PLEKHG1: variants seen among roughly 807,000 people sequenced by gnomAD.
PLEKHG1 encodes the protein pleckstrin homology domain-containing family G member 1.
Under a neutral mutation model 100.8 loss-of-function variants are expected in PLEKHG1, and 44 were observed. The ratio of observed to expected loss-of-function variants is 0.44; its 90% CI spans 0.34 to 0.56. The LOEUF (loss-of-function observed/expected upper bound fraction) is 0.56. Ranked by LOEUF, PLEKHG1 falls within the 20% of genes least tolerant of loss-of-function variation. PLEKHG1 has a pLI of 0.01. For missense variants in PLEKHG1, 1,545 were observed against 1,720.9 expected (o/e 0.90, Z 1.81); for synonymous variants, 640 against 662.5 (o/e 0.97, Z 0.52).
intron 5 of PLEKHG1, among the ~76,000 whole-genome samples, chr6:150,799,500 G>T (rs899133668): frequency 6.6e-6 from 1 of 152,296 alleles, no homozygotes; most frequent in South Asian, 2.1e-4. Flanking sequence ...CCGGGAACCT[G>T]GAGCTCAGCA....
intron 1 of PLEKHG1, among the ~76,000 whole-genome samples, chr6:150,730,861 C>T (rs1782212316): frequency 1.3e-5 from 2 of 151,116 alleles, no homozygotes; most frequent in African/African-American, 4.9e-5. Context: ...GAGATCATAC[C>T]ATTGCACTCC....
chr6:150,693,324 G>A (rs1428811660), intron 3 of PLEKHG1, among the ~76,000 whole-genome samples: 2 of 152,114 alleles, frequency 1.3e-5, no homozygotes, highest in Non-Finnish European at 2.9e-5. Context: ...AAACCTATGT[G>A]TGACTTATTT....
intron 4 of PLEKHG1, 95 bp downstream of exon 5, chr6:150,786,554 G>C: frequency 1.3e-6 from 1 of 784,822 alleles, no homozygotes; most frequent in South Asian, 1.6e-5. Flanking sequence ...TTTCATATCA[G>C]ATAGAGTTAG....
chr6:150,673,489 C>A (rs886390363), intron 3 of PLEKHG1, among the ~76,000 whole-genome samples: 4 of 152,196 alleles, frequency 2.6e-5, no homozygotes, highest in Admixed American at 1.3e-4. Flanking sequence ...TTCAAGAACA[C>A]TTCTCAGCTC....
In PLEKHG1 at chr6:150,804,689, C is replaced by G. The variant is rs773904898; in HGVS notation, c.860C>G (p.Ala287Gly). Residue 287 changes from alanine to glycine, a missense_variant, in exon 7 of 16, where the codon GCC becomes GGC. Transcript: ENST00000358517. Reference sequence around the variant, plus strand: ...GCTATAGACACAATGCAGCGAGTCGCCTGGCATATCAATGACATGAAGCGG... The same window carrying G: ...GCTATAGACACAATGCAGCGAGTCGGCTGGCATATCAATGACATGAAGCGG... 3 of 1,613,848 alleles carry G rather than the reference C, an allele frequency of 1.9e-6. 1 individual carries two copies. In the South Asian group the frequency reaches 3.3e-5, roughly 18 times the overall value.
exon 10 of PLEKHG1, chr6:150,809,672 C>G: frequency 6.2e-7 from 1 of 1,614,046 alleles, no homozygotes; most frequent in Non-Finnish European, 8.5e-7. Flanking sequence ...AGACAAACGC[C>G]TCTGGGTTCT....
chr6:150,784,299 G>A (rs1785484465), intron 3 of PLEKHG1, among the ~76,000 whole-genome samples: 1 of 152,162 alleles, frequency 6.6e-6, no homozygotes, highest in Non-Finnish European at 1.5e-5. Context: ...AATGGGCTGG[G>A]GGTCATCAGA....
At chr6:150,621,944 T>C (rs1295344691) in intron 1 of PLEKHG1, among the ~76,000 whole-genome samples, 1 of 152,218 alleles carries the variant, frequency 6.6e-6, no homozygotes, top group African/African-American at 2.4e-5. Context: ...CGTCCAGAAC[T>C]GTTGTGTGAG....
At chr6:150,803,850 A>T (rs887357658) in intron 6 of PLEKHG1, among the ~76,000 whole-genome samples, 5 of 152,120 alleles carry the variant, frequency 3.3e-5, no homozygotes, top group Non-Finnish European at 7.3e-5. Flanking sequence ...AAGGGAAAAA[A>T]ATAAGTATGC....
intron 3 of PLEKHG1, among the ~76,000 whole-genome samples, chr6:150,689,730 C>G (rs1055001546): frequency 6.6e-6 from 1 of 151,936 alleles, no homozygotes; most frequent in African/African-American, 2.4e-5. Context: ...TGGCACATGC[C>G]TGTAATGCCA....
chr6:150,712,573 T>C (rs1414420818), intron 3 of PLEKHG1, among the ~76,000 whole-genome samples: 2 of 152,266 alleles, frequency 1.3e-5, no homozygotes, highest in African/African-American at 4.8e-5. Context: ...GAAATAAGTT[T>C]GGTTACACTT....
chr6:150,788,231 A>G (rs1208055998), intron 4 of PLEKHG1, among the ~76,000 whole-genome samples: 4 of 152,260 alleles, frequency 2.6e-5, no homozygotes, highest in Admixed American at 1.3e-4. Context: ...GCATGGAAAC[A>G]GGGAATCCTG....
chr6:150,706,572 C>G (rs1040586306), intron 3 of PLEKHG1, among the ~76,000 whole-genome samples: 13 of 150,436 alleles, frequency 8.6e-5, no homozygotes, highest in African/African-American at 3.2e-4. Context: ...TGTAATCATG[C>G]CACTTTGCTC....
At chr6:150,807,097 C>A (rs1787165074) in intron 7 of PLEKHG1, among the ~76,000 whole-genome samples, 1 of 152,136 alleles carries the variant, frequency 6.6e-6, no homozygotes, top group African/African-American at 2.4e-5. Flanking sequence ...TTCATTATGG[C>A]CCCAAAGCAC....
intron 4 of PLEKHG1, among the ~76,000 whole-genome samples, chr6:150,790,875 T>C (rs773013971): frequency 2.6e-5 from 4 of 151,562 alleles, no homozygotes; most frequent in Admixed American, 6.6e-5. Context: ...TACAAAAAAA[T>C]TGCCAGGCAT....
chr6:150,710,570 C>T (rs530364494), intron 3 of PLEKHG1, among the ~76,000 whole-genome samples: 2 of 151,974 alleles, frequency 1.3e-5, no homozygotes, highest in African/African-American at 4.8e-5. Flanking sequence ...GGTGAGGGGA[C>T]GGCATTACCC....
At position 150,804,590 on chromosome 6, in the gene PLEKHG1, C is replaced by A; in HGVS notation, c.781-20C>A. On this transcript the variant is annotated intron_variant, in intron 6 of 15. Coordinates refer to ENST00000358517, the Ensembl canonical transcript of PLEKHG1. ...AAATAAAATGAAAAAAAAAAAAACC[C>A]TCGTTCTTTTTTGTTTAAGGAAATA... 1 of 1,538,270 alleles carries A rather than the reference C, an allele frequency of 6.5e-7. No individual in the cohort carries two copies. The highest frequency in any genetic ancestry group is 1.2e-5 in the South Asian group (1 of 81,392).
At chr6:150,618,571 A>G (rs1249229999) in intron 1 of PLEKHG1, among the ~76,000 whole-genome samples, 1 of 152,258 alleles carries the variant, frequency 6.6e-6, no homozygotes, top group African/African-American at 2.4e-5. Flanking sequence ...GATGCAATAG[A>G]TGTAAATAAC....
chr6:150,742,212 G>A (rs1318356349), intron 2 of PLEKHG1, among the ~76,000 whole-genome samples: 2 of 152,178 alleles, frequency 1.3e-5, no homozygotes, highest in Non-Finnish European at 2.9e-5. Context: ...TTCTGATGAG[G>A]TCTCAGGAAG....
Sources: allele counts gnomAD v4.1 joint callset (sites outside exome capture counted in the v4.1 genomes callset), GRCh38; gene constraint gnomAD v4.1.1; transcripts MANE v1.5; gene names NCBI Gene and HGNC (gene_info 2026-07-23, HGNC 2026-07-21).